The following C2orf92 variants were observed in gnomAD, a reference collection of about 807,000 sequenced individuals.
C2orf92 encodes uncharacterized protein C2orf92.
chr2:97,666,101 A>G (rs1266902890), upstream of C2orf92, among the ~76,000 whole-genome samples: 2 of 151,708 alleles, frequency 1.3e-5, no homozygotes, highest in Admixed American at 6.6e-5. Flanking sequence ...CTTAAATCAT[A>G]TATTGTTAGG....
In C2orf92 at chr2:97,675,896, A is replaced by G. The variant is rs1409321250; in HGVS notation, c.200A>G (p.Asn67Ser). Residue 67 changes from asparagine (N) to serine (S), a missense_variant, in exon 3 of 8, where the codon AAT (asparagine) becomes AGT (serine). Transcript: ENST00000627399. ...AATGCTGCATTTGCATCAGGTTCAA[A>G]TGAGCGAGAGGAACATTTGGCTAAA... is the stretch of plus-strand genomic sequence containing the variant. ...LNNAAFASGS[N>S]EREEHLAKIF... is the part of the protein sequence containing the mutation. 1 of 398,870 alleles carries G rather than the reference A, an allele frequency of 2.5e-6. No homozygotes were observed. Among genetic ancestry groups the G allele is most frequent in the Non-Finnish European group, 4.4e-6 (1 of 226,072 alleles). 24.7% of individuals were successfully genotyped at this position (398,870 alleles called of 1,614,324 possible). A position where few individuals can be genotyped will look rare whatever the true frequency, so the allele number is the denominator to read the frequency against.
At chr2:97,681,291 T>C (rs1469689792) in intron 3 of C2orf92, among the ~76,000 whole-genome samples, 1 of 152,110 alleles carries the variant, frequency 6.6e-6, no homozygotes, top group Non-Finnish European at 1.5e-5. Context: ...GCCCATATGT[T>C]AGGACACAAA....
chr2:97,665,290 C>T (rs1269009436), upstream of C2orf92, among the ~76,000 whole-genome samples: 2 of 152,148 alleles, frequency 1.3e-5, no homozygotes, highest in African/African-American at 4.8e-5. Flanking sequence ...GTGCAGAAAT[C>T]ACAAGTGTAC....
At chr2:97,664,639 C>G (rs1441101844) in intron 1 of C2orf92, 2 of 152,000 alleles carry the variant, frequency 1.3e-5, no homozygotes, top group Non-Finnish European at 2.9e-5. Flanking sequence ...TATTGCAAGT[C>G]GTCACGGTGG....
intron 5 of C2orf92, among the ~76,000 whole-genome samples, chr2:97,693,196 A>G (rs542510784): frequency 6.6e-6 from 1 of 152,302 alleles, no homozygotes; most frequent in African/African-American, 2.4e-5. Context: ...TCTATTGTAT[A>G]TATATACCAT....
intron 5 of C2orf92, among the ~76,000 whole-genome samples, chr2:97,695,171 A>G (rs1176405177): frequency 2.0e-5 from 3 of 152,154 alleles, no homozygotes; most frequent in Admixed American, 6.5e-5. Flanking sequence ...ATACAGTCCA[A>G]TTTGTCTGTT....
rs1385339438 is a variant in C2orf92, at chr2:97,683,969, A to C, written c.233-4926A>C. On this transcript the variant is annotated intron_variant, in intron 3 of 7. Transcript: ENST00000627399. Reference sequence around the variant, plus strand: ...AAGCTCCGCCTCCTGGGTTCACGCCATTCTCCTGCCTCAGCCTCCCTAGTA... The same window carrying C: ...AAGCTCCGCCTCCTGGGTTCACGCCCTTCTCCTGCCTCAGCCTCCCTAGTA... Among the ~76,000 whole-genome samples the C allele has an allele frequency of 3.4e-5, 5 of 148,778 alleles. No individual in the cohort carries two copies. In the Admixed American group the frequency reaches 3.4e-4, roughly 10 times the overall value.
At chr2:97,702,638 G>A (rs1324114912) in intron 7 of C2orf92, 31 bp from the exon 8 acceptor site, 1 of 398,816 alleles carries the variant, frequency 2.5e-6, no homozygotes, top group Non-Finnish European at 4.4e-6. Flanking sequence ...GCGCTGAGCT[G>A]AGCACTGTGG....
chr2:97,671,533 T>A, intron 1 of C2orf92: 3 of 398,644 alleles, frequency 7.5e-6, no homozygotes, highest in Non-Finnish European at 1.3e-5. Context: ...AACCTCAGGC[T>A]GGATTTGAAG....
chr2:97,669,164 AT>A (rs1379702294), upstream of C2orf92: 1 of 152,268 alleles, frequency 6.6e-6, no homozygotes. Context: ...TTTAATACTT[AT>A]AAAATGTAAT....
At chr2:97,686,241 A>C (rs1675956378) in intron 3 of C2orf92, among the ~76,000 whole-genome samples, 1 of 152,170 alleles carries the variant, frequency 6.6e-6, no homozygotes, top group Non-Finnish European at 1.5e-5. Flanking sequence ...TAACTAACCC[A>C]TTCCTGTGAT....
chr2:97,700,444 C>T (rs1346350885), intron 6 of C2orf92, among the ~76,000 whole-genome samples: 2 of 152,116 alleles, frequency 1.3e-5, no homozygotes, highest in African/African-American at 2.4e-5. Flanking sequence ...TCTTAAAATC[C>T]TTTGCAGTAG....
chr2:97,697,625 C>CT (rs1370410178), intron 5 of C2orf92, among the ~76,000 whole-genome samples: 1 of 152,206 alleles, frequency 6.6e-6, no homozygotes, highest in Admixed American at 6.5e-5. Context: ...AAATTTCTCT[C>CT]TTTTTTCCAG....
chr2:97,668,399 C>T (rs762250750), upstream of C2orf92: 1 of 152,122 alleles, frequency 6.6e-6, no homozygotes, highest in Non-Finnish European at 1.5e-5. Flanking sequence ...GGCCCTAATC[C>T]GATATGATCC....
chr2:97,675,695 A>C (rs1352533178), intron 2 of C2orf92, 150 bp from the exon 3 acceptor site: 2 of 397,128 alleles, frequency 5.0e-6, no homozygotes. Flanking sequence ...CAGACACTTC[A>C]TGAATGCTCT....
rs372924817 is a variant in C2orf92, at chr2:97,685,633, G to A, written c.233-3262G>A. Among the ~76,000 whole-genome samples the A allele has an allele frequency of 7.2e-5, 11 of 151,986 alleles. No homozygotes were observed. In the East Asian group the frequency reaches 1.6e-3, roughly 21 times the overall value. On this transcript the variant is annotated intron_variant, in intron 3 of 7. Coordinates refer to ENST00000627399, the MANE Select transcript of C2orf92 (RefSeq NM_001351368.2). The stretch of plus-strand genomic sequence containing the variant: ...GCTGGAGGGCAGTGGCGCAATCTCG[G>A]ATCACTGCAACCTCCACCTCCCAAG...
rs145833807 is a variant in C2orf92 at position 97,702,887 on chromosome 2, T to C, written c.*86T>C. ...TGCGCACCACAGGGAGGCAATTCCA[T>C]TTCTGCCCGGGAGGTGTATTCTACA... On this transcript the variant is annotated 3_prime_UTR_variant, in exon 8 of 8. Coordinates refer to ENST00000627399, the MANE Select transcript of C2orf92 (RefSeq NM_001351368.2). The C allele has an allele frequency of 1.6e-3, 647 of 398,156 alleles. 23 individuals are homozygous for C. The highest frequency in any genetic ancestry group is 0.013 in the East Asian group (365 of 28,048). 24.7% of individuals were successfully genotyped at this position (398,156 alleles called of 1,614,324 possible). A position where few individuals can be genotyped will look rare whatever the true frequency, so the allele number is the denominator to read the frequency against.
upstream of C2orf92, among the ~76,000 whole-genome samples, chr2:97,665,253 CA>C (rs750451074): frequency 1.3e-4 from 20 of 152,134 alleles, no homozygotes; most frequent in Non-Finnish European, 1.9e-4. Flanking sequence ...GGGTTGTGAG[CA>C]TAAAATTTGT....
chr2:97,668,013 T>G (rs1288007822), upstream of C2orf92: 1 of 152,118 alleles, frequency 6.6e-6, no homozygotes, highest in Non-Finnish European at 1.5e-5. Flanking sequence ...TAGACCCTCT[T>G]CAACCTCCAG....
Sources: allele counts gnomAD v4.1 joint callset (sites outside exome capture counted in the v4.1 genomes callset), GRCh38; gene constraint gnomAD v4.1.1; transcripts MANE v1.5; gene names NCBI Gene and HGNC (gene_info 2026-07-23, HGNC 2026-07-21).